LRRC8E: variants seen among roughly 807,000 people sequenced by gnomAD.
LRRC8E encodes volume-regulated anion channel subunit LRRC8E.
A neutral mutation model predicts 6.1 loss-of-function variants in LRRC8E; 6 were observed. The observed-to-expected ratio is 0.98, with a 90% CI of 0.54 to 1.93. LRRC8E has a LOEUF of 1.93. LRRC8E is among the 30% of genes most tolerant of loss of function. The pLI, the probability that LRRC8E is intolerant of heterozygous loss-of-function variation, is 0.01. For missense variants in LRRC8E, 1,028 were observed against 1,031.4 expected (o/e 1.00, Z 0.04); for synonymous variants, 485 against 472.8 (o/e 1.03, Z -0.33).
chr19:7,896,523 G>A (rs551107733), intron 2 of LRRC8E, among the ~76,000 whole-genome samples: 14 of 151,556 alleles, frequency 9.2e-5, no homozygotes, highest in Admixed American at 2.0e-4. Context: ...GCAGTGAGCC[G>A]AGATCATGCC....
intron 1 of LRRC8E, among the ~76,000 whole-genome samples, chr19:7,894,519 G>A (rs1011761793): frequency 6.6e-6 from 1 of 152,188 alleles, no homozygotes; most frequent in Non-Finnish European, 1.5e-5. Context: ...GAGCCACCGC[G>A]CCCAGCCCCA....
At chr19:7,891,533 GTGTGTGTGTGTGTT>G (rs980827533) in intron 1 of LRRC8E, among the ~76,000 whole-genome samples, 94 of 128,528 alleles carry the variant, frequency 7.3e-4, no homozygotes, top group Non-Finnish European at 1.1e-3. Context: ...GGGTGTGTGT[GTGTGTGTGTGTGTT>G]TGTGTGTGTG....
chr19:7,889,981 G>A (rs188536896), intron 1 of LRRC8E, among the ~76,000 whole-genome samples: 81 of 151,426 alleles, frequency 5.3e-4, no homozygotes, highest in Admixed American at 2.3e-3. Context: ...TCTTGACCTC[G>A]TGATCCACCT....
At chr19:7,892,775 A>T (rs527700595) in intron 1 of LRRC8E, among the ~76,000 whole-genome samples, 8 of 152,278 alleles carry the variant, frequency 5.3e-5, no homozygotes, top group Admixed American at 2.0e-4. Flanking sequence ...ACCAGATTAC[A>T]TACTGGTGAC....
chr19:7,890,395 G>C (rs921896625), intron 1 of LRRC8E, among the ~76,000 whole-genome samples: 5 of 151,978 alleles, frequency 3.3e-5, no homozygotes, highest in African/African-American at 1.2e-4. Flanking sequence ...TTTTTTTGTT[G>C]TTGTTTGTTT....
intron 1 of LRRC8E, among the ~76,000 whole-genome samples, chr19:7,889,754 CTTTT>C (rs556208936): frequency 1.7e-5 from 2 of 120,984 alleles, no homozygotes; most frequent in Non-Finnish European, 3.8e-5. Context: ...CTCTCTCTCT[CTTTT>C]TTTTTTTTTC....
rs758781180 is a variant in LRRC8E at position 7,899,865 on chromosome 19, G to A, written c.1343G>A (p.Cys448Tyr). The A allele has an allele frequency of 3.1e-6, 5 of 1,606,282 alleles. No homozygotes were observed. The South Asian group carries it at 5.5e-5, about 18-fold the overall frequency. ...EVESLRLEAICDITFPPGLSQ... is the reference protein window; with the variant it reads ...EVESLRLEAIYDITFPPGLSQ... ...GAGTCACTCAGGCTGGAGGCCATCT[G>A]CGATATCACCTTCCCCCCGGGGCTG... Residue 448 changes from cysteine (C) to tyrosine (Y), a missense_variant, in exon 3 of 3, where the codon TGC becomes TAC. By Grantham distance (194) the Cys-to-Tyr change is radical. Coordinates refer to ENST00000306708, the MANE Select transcript of LRRC8E (RefSeq NM_025061.6).
rs775813715 is a variant in LRRC8E at position 7,899,349 on chromosome 19, A to G, written c.827A>G (p.Tyr276Cys). 1.5e-5 allele frequency: 24 copies of G among 1,614,210 alleles called. No individual in the cohort carries two copies. In the Middle Eastern group the frequency reaches 4.9e-4, roughly 33 times the overall value. Residue 276 changes from tyrosine (Y) to cysteine (C), a missense_variant, in exon 3 of 3, where the codon TAT becomes TGT. By Grantham distance (194) the Tyr-to-Cys change is radical. Transcript: ENST00000306708. ...FLAILVYNLV[Y>C]VEKISFLVAC... is the part of the protein sequence containing the mutation. ...GCCATCCTGGTCTACAACCTGGTCT[A>G]TGTGGAGAAGATCAGTTTCCTGGTG...
chr19:7,898,419 G>A (rs1364037412), intron 2 of LRRC8E, among the ~76,000 whole-genome samples: 1 of 151,874 alleles, frequency 6.6e-6, no homozygotes, highest in African/African-American at 2.4e-5. Flanking sequence ...GAGTACAATG[G>A]CGCGATCTCG....
At chr19:7,896,775 G>A (rs1257867939) in intron 2 of LRRC8E, among the ~76,000 whole-genome samples, 1 of 151,720 alleles carries the variant, frequency 6.6e-6, no homozygotes, top group Non-Finnish European at 1.5e-5. Context: ...TAAATTTCTT[G>A]TTGACACAGG....
chr19:7,896,254 C>CTTTTTTTTTT (rs112146241), intron 2 of LRRC8E, among the ~76,000 whole-genome samples: 10 of 136,534 alleles, frequency 7.3e-5, no homozygotes, highest in African/African-American at 8.0e-5. Flanking sequence ...CTTTTTTTTT[C>CTTTTTTTTTT]TTTTTTTTTT....
intron 1 of LRRC8E, among the ~76,000 whole-genome samples, chr19:7,892,902 G>A (rs1981391994): frequency 6.6e-6 from 1 of 152,164 alleles, no homozygotes; most frequent in Admixed American, 6.5e-5. Flanking sequence ...TTGGCTGACT[G>A]CAACCTCCGC....
In LRRC8E at chr19:7,899,114, G is replaced by A; in HGVS notation, c.592G>A (p.Ala198Thr). The change falls in exon 3 of 3, where the codon GCA becomes ACA. Residue 198 changes from alanine (A) to threonine (T), a missense_variant. Physicochemically the swap from Ala to Thr is moderately conservative, Grantham distance 58. Coordinates refer to ENST00000306708, the MANE Select transcript of LRRC8E (RefSeq NM_025061.6). Reference sequence around the variant, plus strand: ...CATGGCAGGGACCGGGCCGGGGAAGGCAGGGGAGGGTGAGAAGGAGAAAGT... The same window carrying A: ...CATGGCAGGGACCGGGCCGGGGAAGACAGGGGAGGGTGAGAAGGAGAAAGT... ...VAMAGTGPGK[A>T]GEGEKEKVLA... is the part of the protein sequence containing the mutation. 1 of 1,613,250 alleles carries A rather than the reference G, an allele frequency of 6.2e-7. No individual in the cohort carries two copies. The highest frequency in any genetic ancestry group is 8.5e-7 in the Non-Finnish European group (1 of 1,179,460).
Position 7,899,250 on chromosome 19 carries a change from T to C in LRRC8E, c.728T>C (p.Met243Thr). The C allele has an allele frequency of 6.2e-7, 1 of 1,614,196 alleles. No homozygotes were observed. The highest frequency in any genetic ancestry group is 8.5e-7 in the Non-Finnish European group (1 of 1,180,032). ...ALFEKVKKFR[M>T]HVEEGDILYT... ...TTTGAGAAGGTGAAGAAGTTCCGCA[T>C]GCACGTGGAAGAGGGCGACATCCTG... Residue 243 changes from methionine to threonine, a missense_variant, in exon 3 of 3, where the codon ATG (methionine) becomes ACG (threonine). Transcript: ENST00000306708.
chr19:7,898,007 C>A (rs941104512), intron 2 of LRRC8E, among the ~76,000 whole-genome samples: 1 of 151,918 alleles, frequency 6.6e-6, no homozygotes, highest in South Asian at 2.1e-4. Flanking sequence ...GCCAGGAGTT[C>A]GAGAGCAGCC....
In LRRC8E at chr19:7,895,636, G is replaced by A. The variant is rs772109390; in HGVS notation, c.33G>A (p.Thr11=). ...CAGTGGCCGAGTTCAAGCAGTTCAC[G>A]GAACAGCAGCCTGCGTTCAAGGTGC... The part of the protein sequence containing the change: MIPVAEFKQF[T]EQQPAFKVLK... The change falls in exon 2 of 3, where the codon ACG becomes ACA. Residue 11 remains threonine, a synonymous_variant. Coordinates refer to ENST00000306708, the MANE Select transcript of LRRC8E (RefSeq NM_025061.6). This position sits in a 1 kb window ranked among gnomAD's most constrained non-coding sequence, Gnocchi z 4.7. 87 of 1,614,012 alleles carry A rather than the reference G, an allele frequency of 5.4e-5. No individual in the cohort carries two copies. The Admixed American group carries it at 6.3e-4, about 12-fold the overall frequency.
Position 7,899,797 on chromosome 19 carries a change from G to A in LRRC8E, c.1275G>A (p.Met425Ile), listed in dbSNP as rs1254259690. The change falls in exon 3 of 3, where the codon ATG (methionine) becomes ATA (isoleucine). Residue 425 changes from methionine (M) to isoleucine (I), a missense_variant. By Grantham distance (10) the Met-to-Ile change is conservative. Transcript: ENST00000306708. ...GCCGGCTGGAGCTGGCCCTCTGCAT[G>A]CTGCCGGGTCTGCCCGACACCGTCT... The part of the protein sequence containing the change: ...AAGRLELALC[M>I]LPGLPDTVFE... The A allele has an allele frequency of 6.2e-7, 1 of 1,608,482 alleles. No individual in the cohort carries two copies. The highest frequency in any genetic ancestry group is 8.5e-7 in the Non-Finnish European group (1 of 1,179,994).
intron 1 of LRRC8E, among the ~76,000 whole-genome samples, chr19:7,893,392 C>T (rs1337600645): frequency 3.3e-5 from 5 of 151,732 alleles, no homozygotes; most frequent in African/African-American, 1.2e-4. Flanking sequence ...CTGCCCACCT[C>T]GGCCTCCCAA....
In LRRC8E at chr19:7,900,742, C is replaced by T. The variant is rs776951229; in HGVS notation, c.2220C>T (p.His740=). 45 of 1,612,654 alleles carry T rather than the reference C, an allele frequency of 2.8e-5. No individual in the cohort carries two copies. Among genetic ancestry groups the T allele is most frequent in the Non-Finnish European group, 3.3e-5 (39 of 1,179,606 alleles). The part of the protein sequence containing the change: ...GDNQLSQLSP[H]VGALRALSRL... The stretch of plus-strand genomic sequence containing the variant: ...ACCAGCTGAGCCAGCTCTCGCCCCA[C>T]GTGGGTGCCCTCAGAGCCCTCAGCC... Residue 740 remains histidine, a synonymous_variant, in exon 3 of 3, where the codon CAC becomes CAT. Coordinates refer to ENST00000306708, the MANE Select transcript of LRRC8E (RefSeq NM_025061.6). This position sits in a 1 kb window ranked among gnomAD's most constrained non-coding sequence, Gnocchi z 5.0.
Sources: gnomAD v4.1 joint callset for allele counts (sites outside exome capture counted in the v4.1 genomes callset) on GRCh38, gnomAD v4.1.1 for gene constraint, Gnocchi (gnomAD v3.1) non-coding constraint, MANE v1.5 for transcripts, NCBI Gene and HGNC (gene_info 2026-07-23, HGNC 2026-07-21) for gene names.